CCSER1: variants seen among roughly 807,000 people sequenced by gnomAD.
CCSER1 encodes the protein serine-rich coiled-coil domain-containing protein 1.
Under a neutral mutation model 82.0 loss-of-function variants are expected in CCSER1, and 41 were observed. The ratio of observed to expected loss-of-function variants is 0.50; its 90% CI spans 0.39 to 0.65. CCSER1 has a LOEUF of 0.65. Ranked by LOEUF, CCSER1 falls within the 30% of genes least tolerant of loss-of-function variation. The pLI is 0.00. For missense variants in CCSER1, 1,119 were observed against 1,064.2 expected (o/e 1.05, Z -0.72); for synonymous variants, 414 against 383.9 (o/e 1.08, Z -0.92).
intron 10 of CCSER1, among the ~76,000 whole-genome samples, chr4:91,460,755 G>A (rs1175752287): frequency 6.6e-6 from 1 of 152,058 alleles, no homozygotes; most frequent in African/African-American, 2.4e-5. Flanking sequence ...ATTGTGAGTG[G>A]CCTTACACTT....
intron 8 of CCSER1, among the ~76,000 whole-genome samples, chr4:90,836,849 A>G (rs1761867655): frequency 6.6e-6 from 1 of 152,232 alleles, no homozygotes; most frequent in African/African-American, 2.4e-5. Flanking sequence ...CCTGGTCTAG[A>G]CCATCGCAAC....
At chr4:90,394,601 A>G (rs990903588) in intron 3 of CCSER1, among the ~76,000 whole-genome samples, 12 of 152,184 alleles carry the variant, frequency 7.9e-5, no homozygotes, top group Admixed American at 2.6e-4. Flanking sequence ...ATTAATTAGA[A>G]CACGTATTAC....
intron 1 of CCSER1, among the ~76,000 whole-genome samples, chr4:90,134,996 TA>T (rs1448562449): frequency 6.6e-5 from 10 of 152,228 alleles, no homozygotes; most frequent in Admixed American, 5.9e-4. Context: ...TATCAAGGAT[TA>T]AAAAATGTTT....
At chr4:90,627,375 A>G (rs1723482300) in intron 5 of CCSER1, among the ~76,000 whole-genome samples, 1 of 151,940 alleles carries the variant, frequency 6.6e-6, no homozygotes, top group African/African-American at 2.4e-5. Flanking sequence ...TTAGGTTGCT[A>G]AAGTATCTTG....
At chr4:91,017,811 T>TTGTG (rs34719158) in intron 9 of CCSER1, among the ~76,000 whole-genome samples, 36 of 144,008 alleles carry the variant, frequency 2.5e-4, no homozygotes, top group South Asian at 1.3e-3. Context: ...GGTTTTTAAA[T>TTGTG]TGTGTGTGTG....
intron 5 of CCSER1, among the ~76,000 whole-genome samples, chr4:90,502,670 A>G (rs573083290): frequency 3.3e-5 from 5 of 152,134 alleles, no homozygotes; most frequent in South Asian, 2.1e-4. Context: ...TTTCTCAAGG[A>G]AAAAAAACAA....
At chr4:90,657,488 T>G (rs1729913529) in intron 6 of CCSER1, among the ~76,000 whole-genome samples, 1 of 152,286 alleles carries the variant, frequency 6.6e-6, no homozygotes, top group African/African-American at 2.4e-5. Flanking sequence ...TTCTGTTTTT[T>G]ACTTCTGGGA....
intron 10 of CCSER1, among the ~76,000 whole-genome samples, chr4:91,479,055 A>G (rs1043216993): frequency 2.0e-5 from 3 of 151,882 alleles, no homozygotes; most frequent in African/African-American, 7.2e-5. Context: ...CATTAGAGGG[A>G]TAAGTTATTA....
chr4:90,718,618 C>A (rs944571415), intron 6 of CCSER1, among the ~76,000 whole-genome samples: 2 of 152,038 alleles, frequency 1.3e-5, no homozygotes, highest in Admixed American at 1.3e-4. Flanking sequence ...ATTAAAGATT[C>A]TCTGATGGAG....
At chr4:90,617,326 T>C (rs919290127) in intron 5 of CCSER1, among the ~76,000 whole-genome samples, 1 of 152,092 alleles carries the variant, frequency 6.6e-6, no homozygotes, top group Non-Finnish European at 1.5e-5. Context: ...CTTCTTTGGT[T>C]GTATTAAGAA....
At chr4:90,472,471 G>T (rs776494456) in intron 5 of CCSER1, among the ~76,000 whole-genome samples, 1 of 152,104 alleles carries the variant, frequency 6.6e-6, no homozygotes, top group Non-Finnish European at 1.5e-5. Context: ...TAGGAATGAA[G>T]TATAAATTTT....
intron 10 of CCSER1, among the ~76,000 whole-genome samples, chr4:91,469,035 G>T (rs889211240): frequency 1.3e-5 from 2 of 152,084 alleles, no homozygotes; most frequent in Non-Finnish European, 2.9e-5. Context: ...TATTAGAAAA[G>T]TGAAAAGAAA....
At chr4:90,705,327 T>C (rs1351678180) in intron 6 of CCSER1, among the ~76,000 whole-genome samples, 1 of 152,228 alleles carries the variant, frequency 6.6e-6, no homozygotes, top group South Asian at 2.1e-4. Flanking sequence ...TGATTGTTCC[T>C]GTGGAAGCTT....
At chr4:91,523,660 G>T (rs879816686) in intron 10 of CCSER1, among the ~76,000 whole-genome samples, 1 of 152,058 alleles carries the variant, frequency 6.6e-6, no homozygotes, top group Non-Finnish European at 1.5e-5. Context: ...GTTTATTTGC[G>T]TAGAGGTGTT....
intron 6 of CCSER1, among the ~76,000 whole-genome samples, chr4:90,683,407 C>A (rs1408569641): frequency 2.0e-5 from 3 of 151,896 alleles, no homozygotes; most frequent in African/African-American, 7.3e-5. Context: ...TAAGTTAATC[C>A]ATCTTATATA....
intron 10 of CCSER1, among the ~76,000 whole-genome samples, chr4:91,486,813 C>T (rs745885323): frequency 1.8e-4 from 27 of 151,830 alleles, no homozygotes; most frequent in Admixed American, 7.2e-4. Flanking sequence ...AACCAGTTGC[C>T]CTGGGATCCC....
intron 8 of CCSER1, among the ~76,000 whole-genome samples, chr4:90,854,988 A>AGG (rs1554029468): frequency 6.6e-6 from 1 of 151,074 alleles, no homozygotes; most frequent in African/African-American, 2.4e-5. Context: ...GGCACGAGAG[A>AGG]GTGTGTGTGT....
At chr4:90,834,282 T>TA (rs887714564) in intron 8 of CCSER1, among the ~76,000 whole-genome samples, 4 of 152,150 alleles carry the variant, frequency 2.6e-5, no homozygotes, top group Admixed American at 6.5e-5. Context: ...TATTTCTTGC[T>TA]AAAAAAACTT....
chr4:90,255,777 G>T (rs1473476856), intron 1 of CCSER1, among the ~76,000 whole-genome samples: 1 of 152,126 alleles, frequency 6.6e-6, no homozygotes, highest in Admixed American at 6.6e-5. Flanking sequence ...AGAACAGATT[G>T]CCAGTAGTTA....
Sources: gnomAD v4.1 joint callset for allele counts (sites outside exome capture counted in the v4.1 genomes callset) on GRCh38, gnomAD v4.1.1 for gene constraint, MANE v1.5 for transcripts, NCBI Gene and HGNC (gene_info 2026-07-23, HGNC 2026-07-21) for gene names.